The following ASPRV1 variants were observed in gnomAD, a reference collection of about 807,000 sequenced individuals.
The protein encoded by ASPRV1 is aspartic peptidase retroviral like 1.
Under a neutral mutation model 11.0 loss-of-function variants are expected in ASPRV1, and 7 were observed. The observed-to-expected ratio is 0.64, with a 90% confidence interval of 0.36 to 1.20. The LOEUF (loss-of-function observed/expected upper bound fraction) is 1.20, where lower values mean the gene tolerates loss of function less well. Ranked by LOEUF, ASPRV1 falls within the 50% of genes most tolerant of loss-of-function variation. The probability of loss-of-function intolerance (pLI) is 0.02; values close to 1 mark genes in which losing one functional copy is unlikely to be tolerated. For synonymous variants in ASPRV1, 136 were observed against 138.4 expected (o/e 0.98, Z 0.12); for missense variants, 299 against 320.0 (o/e 0.93, Z 0.50).
At chr2:69,934,210 A>G in the ASPRV1 span, among the ~76,000 whole-genome samples, 81,732 of 152,046 alleles carry the variant, frequency 0.54, 24,043 homozygotes, top group African/African-American at 0.79. Flanking sequence ...CCAGTGAATA[A>G]TATAAACAGT....
chr2:70,065,377 C>T, the ASPRV1 span, among the ~76,000 whole-genome samples: 2 of 93,868 alleles, frequency 2.1e-5, no homozygotes, highest in African/African-American at 8.4e-5. Context: ...GGTAACAGTG[C>T]AAGACACCAT....
At chr2:70,072,914 A>C in the ASPRV1 span, among the ~76,000 whole-genome samples, 8 of 150,926 alleles carry the variant, frequency 5.3e-5, no homozygotes, top group African/African-American at 1.5e-4. Flanking sequence ...AAAAAAAAAA[A>C]AACAGCCGGG....
At chr2:70,076,594 AC>A in the ASPRV1 span, among the ~76,000 whole-genome samples, 2 of 152,202 alleles carry the variant, frequency 1.3e-5, no homozygotes, top group South Asian at 2.1e-4. Context: ...CATCTCGAAT[AC>A]CGTAAGTCAA....
At chr2:70,016,229 T>C in the ASPRV1 span, 1 of 152,162 alleles carries the variant, frequency 6.6e-6, no homozygotes, top group Non-Finnish European at 1.5e-5. Context: ...CTGACCACAA[T>C]GGTATGAAAC....
chr2:70,037,941 C>A, the ASPRV1 span, among the ~76,000 whole-genome samples: 1 of 152,146 alleles, frequency 6.6e-6, no homozygotes, highest in East Asian at 1.9e-4. Context: ...CTAACACTAT[C>A]CTTTCCTGCT....
the ASPRV1 span, among the ~76,000 whole-genome samples, chr2:70,021,204 T>A: frequency 5.3e-5 from 8 of 152,208 alleles, no homozygotes; most frequent in Non-Finnish European, 8.8e-5. Context: ...TTCTTTAGGT[T>A]TATCCATGTT....
the ASPRV1 span, among the ~76,000 whole-genome samples, chr2:70,076,016 G>A: frequency 5.9e-5 from 9 of 152,194 alleles, no homozygotes; most frequent in South Asian, 2.1e-4. Flanking sequence ...TCCATTTCCC[G>A]GTCCAGGGAA....
upstream of ASPRV1, among the ~76,000 whole-genome samples, chr2:69,965,766 C>T (rs75327951): frequency 0.024 from 3,583 of 152,200 alleles, 124 homozygotes; most frequent in African/African-American, 0.08. Flanking sequence ...GCCAAGGGCA[C>T]ACGGGCAGGA....
the ASPRV1 span, chr2:70,069,258 G>A: frequency 4.7e-4 from 72 of 152,224 alleles, no homozygotes; most frequent in African/African-American, 1.5e-3. Flanking sequence ...ACCTGACCTC[G>A]CCCTCTGGGG....
At chr2:70,032,426 C>T in the ASPRV1 span, among the ~76,000 whole-genome samples, 2 of 150,862 alleles carry the variant, frequency 1.3e-5, no homozygotes, top group Admixed American at 6.6e-5. Context: ...GAGGCTAACA[C>T]GGGAGGGCTG....
chr2:70,018,575 C>T, the ASPRV1 span, among the ~76,000 whole-genome samples: 1 of 152,014 alleles, frequency 6.6e-6, no homozygotes, highest in Non-Finnish European at 1.5e-5. Context: ...AAAAAACAGA[C>T]ACATAGACTA....
the ASPRV1 span, among the ~76,000 whole-genome samples, chr2:70,009,282 T>G: frequency 6.6e-6 from 1 of 152,052 alleles, no homozygotes; most frequent in South Asian, 2.1e-4. Context: ...GATGAAGCTG[T>G]ATTCAGCACT....
At chr2:70,075,545 G>A in the ASPRV1 span, among the ~76,000 whole-genome samples, 1 of 152,052 alleles carries the variant, frequency 6.6e-6, no homozygotes, top group South Asian at 2.1e-4. Flanking sequence ...TACATAGCAT[G>A]TAGAAAATTC....
chr2:70,043,503 T>TA, the ASPRV1 span, among the ~76,000 whole-genome samples: 1 of 152,198 alleles, frequency 6.6e-6, no homozygotes, highest in Non-Finnish European at 1.5e-5. Flanking sequence ...TCCACAAAAT[T>TA]AGTGGACAAG....
chr2:69,984,846 T>C, the ASPRV1 span, among the ~76,000 whole-genome samples: 1 of 150,308 alleles, frequency 6.7e-6, no homozygotes, highest in East Asian at 2.0e-4. Flanking sequence ...CTCAAACTCC[T>C]GTCAGGGCCA....
the ASPRV1 span, among the ~76,000 whole-genome samples, chr2:70,052,078 G>A: frequency 7.2e-5 from 11 of 152,106 alleles, no homozygotes; most frequent in East Asian, 1.9e-3. Flanking sequence ...TGTCTTCATG[G>A]AGCTTATATT....
At chr2:70,077,701 AAAT>A in the ASPRV1 span, among the ~76,000 whole-genome samples, 1 of 151,868 alleles carries the variant, frequency 6.6e-6, no homozygotes, top group Non-Finnish European at 1.5e-5. Context: ...TATAAACACA[AAAT>A]ATTATCTGGG....
chr2:70,010,358 C>T, the ASPRV1 span, among the ~76,000 whole-genome samples: 12 of 152,078 alleles, frequency 7.9e-5, no homozygotes, highest in Admixed American at 7.2e-4. Context: ...GAACAGCTGA[C>T]GTGGGGTGAT....
At chr2:70,023,905 TGACAAAAAAG>T in the ASPRV1 span, among the ~76,000 whole-genome samples, 1 of 151,870 alleles carries the variant, frequency 6.6e-6, no homozygotes, top group African/African-American at 2.4e-5. Flanking sequence ...ACAATAGAGA[TGACAAAAAAG>T]GTCCTCAAAG....
Sources: gnomAD v4.1 joint callset for allele counts (sites outside exome capture counted in the v4.1 genomes callset) on GRCh38, gnomAD v4.1.1 for gene constraint, MANE v1.5 for transcripts, NCBI Gene and HGNC (gene_info 2026-07-23, HGNC 2026-07-21) for gene names.